The following ARMC10 variants were observed in gnomAD, a reference collection of about 807,000 sequenced individuals.
The protein encoded by ARMC10 is armadillo repeat containing 10, also known as armadillo repeat-containing protein 10.
A neutral mutation model predicts 30.2 loss-of-function variants in ARMC10; 23 were observed. The ratio of observed to expected loss-of-function variants is 0.76; its 90% CI spans 0.55 to 1.08. ARMC10 has a LOEUF of 1.08. Ranked by LOEUF, ARMC10 falls within the 50% of genes least tolerant of loss-of-function variation. ARMC10 has a pLI of 0.00. For missense variants in ARMC10, 303 were observed against 413.7 expected (o/e 0.73, Z 2.32); for synonymous variants, 111 against 164.4 (o/e 0.68, Z 2.48).
In ARMC10 at chr7:103,081,369, C is replaced by T. The variant is rs111980828; in HGVS notation, c.245-2313C>T. Among the ~76,000 whole-genome samples the T allele has an allele frequency of 1.1e-4, 17 of 152,178 alleles. 1 individual carries two copies. The highest frequency in any genetic ancestry group is 1.9e-4 in the Non-Finnish European group (13 of 68,018). ...GAATTTATACATCTATAAGCTTTCT[C>T]TTTTTTAAAAACAAAAACAAAAACA... On this transcript the variant is annotated intron_variant, in intron 2 of 6. Transcript: ENST00000323716.
chr7:103,078,890 T>C (rs1328021557), intron 2 of ARMC10, among the ~76,000 whole-genome samples: 1 of 152,062 alleles, frequency 6.6e-6, no homozygotes. Context: ...GCACTTGTAG[T>C]CCCAGCTACT....
At position 103,083,797 on chromosome 7, in the gene ARMC10, T is replaced by C. The variant is rs1017549708; in HGVS notation, c.360T>C (p.Thr120=). 1.9e-6 allele frequency: 3 copies of C among 1,614,004 alleles called. No homozygotes were observed. The highest frequency in any genetic ancestry group is 2.5e-6 in the Non-Finnish European group (3 of 1,180,012). ...DPVIIERALI[T]LGNNAAFSVN... ...TAATTATTGAAAGAGCTTTGATTACTTTGGGTAACAATGCAGCCTTTTCAG... is the reference window on the plus strand; with the variant it reads ...TAATTATTGAAAGAGCTTTGATTACCTTGGGTAACAATGCAGCCTTTTCAG... The change falls in exon 3 of 7, where the codon ACT becomes ACC. Residue 120 remains threonine, a synonymous_variant. Coordinates refer to ENST00000323716, the MANE Select transcript of ARMC10 (RefSeq NM_031905.5).
intron 2 of ARMC10, among the ~76,000 whole-genome samples, chr7:103,077,079 G>A (rs1287837389): frequency 6.6e-6 from 1 of 152,052 alleles, no homozygotes; most frequent in African/African-American, 2.4e-5. Flanking sequence ...AATTTTTTAG[G>A]AGATGAGTTT....
Position 103,099,174 on chromosome 7 carries a change from T to C in ARMC10, c.*621T>C, listed in dbSNP as rs1218157508. The C allele has an allele frequency of 6.8e-6, 1 of 146,690 alleles. No homozygotes were observed. The highest frequency in any genetic ancestry group is 1.5e-5 in the Non-Finnish European group (1 of 66,622). The allele number at this position is 146,690 out of a possible 1,614,324, so 9.1% of individuals were successfully genotyped here. ...ACAGTTGGTTAAATAAATTATCTGG[T>C]CTTTGAAAAGACCGTGCTGGGCGCG... On this transcript the variant is annotated 3_prime_UTR_variant, in exon 7 of 7. Transcript: ENST00000323716.
intron 3 of ARMC10, chr7:103,084,152 A>G (rs1239599683): frequency 2.8e-6 from 2 of 706,608 alleles, no homozygotes; most frequent in Middle Eastern, 2.9e-4. Flanking sequence ...GAATGCATCT[A>G]ACATTTAAGT....
chr7:103,098,156 T>C (rs960063757), intron 6 of ARMC10, 143 bp from the exon 7 acceptor site: 42 of 986,790 alleles, frequency 4.3e-5, no homozygotes, highest in Non-Finnish European at 5.5e-5. Context: ...ACAAAATTTT[T>C]TTAATGTGAG....
At chr7:103,091,138 T>A (rs1801281321) in intron 4 of ARMC10, among the ~76,000 whole-genome samples, 1 of 152,156 alleles carries the variant, frequency 6.6e-6, no homozygotes, top group African/African-American at 2.4e-5. Flanking sequence ...GCTAGAAAGC[T>A]TATGGCCAGG....
chr7:103,082,415 A>T (rs997715604), intron 2 of ARMC10, among the ~76,000 whole-genome samples: 1 of 152,128 alleles, frequency 6.6e-6, no homozygotes, highest in Non-Finnish European at 1.5e-5. Flanking sequence ...CAAAAAAAAA[A>T]AAAAGTACTG....
At chr7:103,081,818 C>T (rs1470485544) in intron 2 of ARMC10, 4 of 452,780 alleles carry the variant, frequency 8.8e-6, no homozygotes, top group South Asian at 1.6e-5. Context: ...AATCATACAA[C>T]TTCAGGGCTG....
At chr7:103,097,580 A>G (rs562511192) in intron 6 of ARMC10, among the ~76,000 whole-genome samples, 1 of 152,342 alleles carries the variant, frequency 6.6e-6, no homozygotes, top group East Asian at 1.9e-4. Context: ...ACAATAAATT[A>G]TAACTTTTTT....
chr7:103,083,004 C>T, intron 2 of ARMC10: 1 of 454,722 alleles, frequency 2.2e-6, no homozygotes, highest in Non-Finnish European at 4.4e-6. Context: ...TTCCTTCTAT[C>T]TGATGTGCTC....
In ARMC10 at chr7:103,075,776, G is replaced by C. The variant is rs1317470005; in HGVS notation, c.140-1G>C. 1 of 1,605,614 alleles carries C rather than the reference G, an allele frequency of 6.2e-7. No individual in the cohort carries two copies. The highest frequency in any genetic ancestry group is 1.7e-4 in the Middle Eastern group (1 of 6,044). Reference sequence around the variant, plus strand: ...AGCCATAGGTCAATCTCTGCTTGCAGGTGCCCTGGAAGAAGGGACGTCAGA... The same window carrying C: ...AGCCATAGGTCAATCTCTGCTTGCACGTGCCCTGGAAGAAGGGACGTCAGA... On this transcript the variant is annotated splice_acceptor_variant, in intron 1 of 6. Transcript: ENST00000323716. LOFTEE classifies it high-confidence loss of function.
At position 103,075,782 on chromosome 7, in the gene ARMC10, C is replaced by T. The variant is rs1270541184; in HGVS notation, c.145C>T (p.Leu49=). 11 of 1,607,116 alleles carry T rather than the reference C, an allele frequency of 6.8e-6. No homozygotes were observed. Among genetic ancestry groups the T allele is most frequent in the African/African-American group, 1.3e-5 (1 of 74,798 alleles). Residue 49 remains leucine (L), a synonymous_variant, in exon 2 of 7, where the codon CTG becomes TTG. Transcript: ENST00000323716. ...GIRSSKSAGA[L]EEGTSEGQLC... ...AGGTCAATCTCTGCTTGCAGGTGCCCTGGAAGAAGGGACGTCAGAGGGTCA... is the reference window on the plus strand; with the variant it reads ...AGGTCAATCTCTGCTTGCAGGTGCCTTGGAAGAAGGGACGTCAGAGGGTCA...
intron 4 of ARMC10, among the ~76,000 whole-genome samples, chr7:103,090,728 T>TAAAAAAAAAAAAAAAAAA (rs34277044): frequency 1.4e-5 from 2 of 140,906 alleles, no homozygotes; most frequent in African/African-American, 5.5e-5. Context: ...AACCCATTTC[T>TAAAAAAAAAAAAAAAAAA]AAAAAAAAAA....
At chr7:103,082,307 A>G (rs1234700690) in intron 2 of ARMC10, among the ~76,000 whole-genome samples, 1 of 151,882 alleles carries the variant, frequency 6.6e-6, no homozygotes, top group Admixed American at 6.6e-5. Flanking sequence ...TGTGTAATCT[A>G]TACTTGTCCC....
intron 4 of ARMC10, chr7:103,089,752 G>A (rs1350884472): frequency 1.3e-5 from 2 of 152,182 alleles, no homozygotes; most frequent in Admixed American, 1.3e-4. Flanking sequence ...TAATCTAAGG[G>A]TGCTAAAGGA....
intron 6 of ARMC10, among the ~76,000 whole-genome samples, chr7:103,097,862 T>C (rs1461598208): frequency 3.3e-5 from 5 of 152,198 alleles, no homozygotes; most frequent in Non-Finnish European, 7.3e-5. Context: ...TCCACTCCTG[T>C]AGAAGAGGAA....
At chr7:103,090,397 C>T (rs1006641914) in intron 4 of ARMC10, among the ~76,000 whole-genome samples, 3 of 152,196 alleles carry the variant, frequency 2.0e-5, no homozygotes, top group Non-Finnish European at 4.4e-5. Flanking sequence ...CGTGGTGGCT[C>T]ACACCTGTAA....
intron 6 of ARMC10, among the ~76,000 whole-genome samples, chr7:103,097,654 C>T (rs1406658931): frequency 6.6e-6 from 1 of 152,164 alleles, no homozygotes; most frequent in African/African-American, 2.4e-5. Context: ...TTTGTGTTTA[C>T]ATGTATCTTA....
Sources: gnomAD v4.1 joint callset for allele counts (sites outside exome capture counted in the v4.1 genomes callset) on GRCh38, gnomAD v4.1.1 for gene constraint, MANE v1.5 for transcripts, NCBI Gene and HGNC (gene_info 2026-07-23, HGNC 2026-07-21) for gene names.